The following INPP5F variants were observed in gnomAD, a reference collection of about 807,000 sequenced individuals.
The protein encoded by INPP5F is phosphatidylinositide 4-phosphatase SAC2.
Under a neutral mutation model 137.2 loss-of-function variants are expected in INPP5F, and 97 were observed. The observed-to-expected ratio is 0.71, with a 90% CI of 0.60 to 0.84. The LOEUF (loss-of-function observed/expected upper bound fraction) is 0.84. INPP5F is among the 40% of genes least tolerant of loss of function. The pLI is 0.00. For missense variants in INPP5F, 1,271 were observed against 1,371.9 expected, an observed-to-expected ratio of 0.93 and a Z score of 1.16; for synonymous variants, 504 against 476.9, an observed-to-expected ratio of 1.06 and a Z score of -0.74.
chr10:119,777,847 C>T (rs1176890113), intron 2 of INPP5F, among the ~76,000 whole-genome samples: 2 of 152,060 alleles, frequency 1.3e-5, no homozygotes, highest in Admixed American at 1.3e-4. Flanking sequence ...AGTAAATTTC[C>T]ACCCTACTTT....
At chr10:119,819,653 T>G in intron 15 of INPP5F, 1 of 738,556 alleles carries the variant, frequency 1.4e-6, no homozygotes, top group Non-Finnish European at 2.0e-6. Flanking sequence ...ATGCTCAGAT[T>G]TTGGCTCCTA....
intron 2 of INPP5F, among the ~76,000 whole-genome samples, chr10:119,769,517 G>A (rs914949275): frequency 3.3e-5 from 5 of 152,168 alleles, no homozygotes; most frequent in African/African-American, 9.7e-5. Flanking sequence ...ATGTGTGTGA[G>A]GGTGTTTCCA....
intron 15 of INPP5F, among the ~76,000 whole-genome samples, chr10:119,817,948 A>C (rs1401211534): frequency 3.3e-5 from 5 of 152,238 alleles, no homozygotes. Context: ...AGCTGCGTTT[A>C]AATATCTGGT....
At position 119,787,234 on chromosome 10, in the gene INPP5F, A is replaced by G. The variant is rs555409153; in HGVS notation, c.316-4283A>G. 1.2e-4 allele frequency among the ~76,000 whole-genome samples: 19 copies of G among 152,250 alleles called. No homozygotes were observed. The highest frequency in any genetic ancestry group is 3.9e-4 in the African/African-American group (16 of 41,546). ...GAATTGTACATAAGGAAGTTAAGGG[A>G]TGATGGGCTTATATTAACTCTGTTT... On this transcript the variant is annotated intron_variant, in intron 3 of 19. Coordinates refer to ENST00000650623, the MANE Select transcript of INPP5F (RefSeq NM_014937.4). This position sits in a 1 kb window ranked among gnomAD's most constrained non-coding sequence, Gnocchi z 4.1.
At chr10:119,795,951 G>A (rs1178774354) in intron 6 of INPP5F, among the ~76,000 whole-genome samples, 1 of 152,038 alleles carries the variant, frequency 6.6e-6, no homozygotes, top group Non-Finnish European at 1.5e-5. Flanking sequence ...GGCGGCGCGC[G>A]CCTGCAATCG....
At chr10:119,790,907 G>A (rs967536279) in intron 3 of INPP5F, among the ~76,000 whole-genome samples, 4 of 152,158 alleles carry the variant, frequency 2.6e-5, no homozygotes, top group African/African-American at 4.8e-5. Flanking sequence ...TGTCAGCTGT[G>A]CGGCACTTCT....
chr10:119,747,229 A>ATT (rs1051492141), intron 1 of INPP5F, among the ~76,000 whole-genome samples: 26 of 146,276 alleles, frequency 1.8e-4, no homozygotes, highest in African/African-American at 6.5e-4. Flanking sequence ...AAAATTATTA[A>ATT]TTTTTTTTTT....
At chr10:119,732,143 C>T (rs957686143) in intron 1 of INPP5F, among the ~76,000 whole-genome samples, 2 of 145,986 alleles carry the variant, frequency 1.4e-5, no homozygotes, top group African/African-American at 2.5e-5. Context: ...TCAAGCGATT[C>T]TTGTGCCGCA....
chr10:119,798,706 A>G, intron 9 of INPP5F, 96 bp downstream of exon 9: 1 of 732,660 alleles, frequency 1.4e-6, no homozygotes, highest in Non-Finnish European at 2.2e-6. Flanking sequence ...ATTCAAAATT[A>G]AAGCATTTGT....
At chr10:119,737,760 C>T (rs1848256989) in intron 1 of INPP5F, among the ~76,000 whole-genome samples, 1 of 152,198 alleles carries the variant, frequency 6.6e-6, no homozygotes, top group Non-Finnish European at 1.5e-5. Flanking sequence ...ACAATTGGAA[C>T]TTTTAGTTTC....
At chr10:119,808,169 T>C in intron 13 of INPP5F, 109 bp downstream of exon 13, 1 of 1,336,924 alleles carries the variant, frequency 7.5e-7, no homozygotes, top group Admixed American at 2.4e-5. Context: ...TGTGTGTAGT[T>C]GACTCTTTTC....
chr10:119,765,876 TATATAGAGAGAGAG>T (rs1849148933), intron 2 of INPP5F, among the ~76,000 whole-genome samples: 3 of 25,730 alleles, frequency 1.2e-4, no homozygotes, highest in South Asian at 5.1e-3. Flanking sequence ...TATATATATA[TATATAGAGAGAGAG>T]AGAGAGAGAC....
At chr10:119,766,304 A>G (rs1032779523) in intron 2 of INPP5F, among the ~76,000 whole-genome samples, 1 of 152,204 alleles carries the variant, frequency 6.6e-6, no homozygotes, top group African/African-American at 2.4e-5. Context: ...ACCCTCAGAA[A>G]TAATGTTTTA....
chr10:119,777,334 C>T (rs189281417), intron 2 of INPP5F, among the ~76,000 whole-genome samples: 109 of 152,186 alleles, frequency 7.2e-4, no homozygotes, highest in Non-Finnish European at 1.3e-3. Context: ...ATGGTGAAAT[C>T]CCGTCCCTAC....
chr10:119,784,482 G>A (rs1473689163), intron 3 of INPP5F, among the ~76,000 whole-genome samples: 1 of 152,150 alleles, frequency 6.6e-6, no homozygotes, highest in African/African-American at 2.4e-5. Flanking sequence ...TTGGATGTCT[G>A]TGTATCAGTT....
At chr10:119,770,227 G>C (rs1005971372) in intron 2 of INPP5F, among the ~76,000 whole-genome samples, 14 of 152,102 alleles carry the variant, frequency 9.2e-5, no homozygotes, top group African/African-American at 3.4e-4. Context: ...ATTGTAATAT[G>C]TTTAAAAAGT....
chr10:119,777,378 T>A (rs1391605499), intron 2 of INPP5F, among the ~76,000 whole-genome samples: 1 of 151,976 alleles, frequency 6.6e-6, no homozygotes, highest in Non-Finnish European at 1.5e-5. Context: ...CCACAAAAAT[T>A]AGCCAGGCGT....
At chr10:119,817,609 T>C (rs1250360116) in intron 15 of INPP5F, among the ~76,000 whole-genome samples, 1 of 152,210 alleles carries the variant, frequency 6.6e-6, no homozygotes, top group African/African-American at 2.4e-5. Context: ...AAGGATTTTT[T>C]TTTTGTACTT....
At chr10:119,732,239 G>A (rs1055838835) in intron 1 of INPP5F, among the ~76,000 whole-genome samples, 8 of 151,572 alleles carry the variant, frequency 5.3e-5, no homozygotes, top group South Asian at 2.1e-4. Flanking sequence ...GTTTCGCCAC[G>A]TTGGCCACGC....
Sources: allele counts gnomAD v4.1 joint callset (sites outside exome capture counted in the v4.1 genomes callset), GRCh38; gene constraint gnomAD v4.1.1; non-coding constraint Gnocchi (gnomAD v3.1); transcripts MANE v1.5; gene names NCBI Gene and HGNC (gene_info 2026-07-23, HGNC 2026-07-21).